DNAH11: variants seen among roughly 807,000 people sequenced by gnomAD.
DNAH11 encodes dynein axonemal heavy chain 11, also known as axonemal beta dynein heavy chain 11.
A neutral mutation model predicts 526.0 loss-of-function variants in DNAH11; 442 were observed. The observed-to-expected ratio is 0.84, with a 90% CI of 0.78 to 0.91. The LOEUF (loss-of-function observed/expected upper bound fraction) is 0.91. Among genes scored for constraint, DNAH11 ranks in the 40% least tolerant of loss-of-function variants. The pLI is 0.00. For synonymous variants in DNAH11, 2,461 were observed against 1,935.9 expected (o/e 1.27, Z -7.12); for missense variants, 6,989 against 5,448.7 (o/e 1.28, Z -8.90).
At chr7:21,861,748 C>G in intron 68 of DNAH11, 105 bp from the exon 69 acceptor site, 4 of 1,412,920 alleles carry the variant, frequency 2.8e-6, no homozygotes, top group Admixed American at 2.6e-5. Flanking sequence ...TTGCCTCATT[C>G]TCACTCCCTA....
chr7:21,707,240 C>G (rs138676599), intron 39 of DNAH11, among the ~76,000 whole-genome samples: 4 of 152,328 alleles, frequency 2.6e-5, no homozygotes, highest in East Asian at 1.9e-4. Context: ...CATTACTGGC[C>G]CCACCTCAGA....
At chr7:21,630,009 C>T (rs111745478) in intron 25 of DNAH11, among the ~76,000 whole-genome samples, 57 of 151,846 alleles carry the variant, frequency 3.8e-4, no homozygotes, top group African/African-American at 1.2e-3. Context: ...TACTGCCTTC[C>T]TTTATTGTTA....
At chr7:21,730,729 T>A (rs138826988) in intron 45 of DNAH11, among the ~76,000 whole-genome samples, 48 of 152,226 alleles carry the variant, frequency 3.2e-4, no homozygotes, top group African/African-American at 1.1e-3. Context: ...GATACAAAAT[T>A]TCAGTTAGGA....
At chr7:21,763,352 A>AAAAG (rs1554278425) in intron 54 of DNAH11, among the ~76,000 whole-genome samples, 4,039 of 112,340 alleles carry the variant, frequency 0.036, 337 homozygotes, top group African/African-American at 0.1. Context: ...AAAAAAAAAA[A>AAAAG]AAAAGAAAAA....
chr7:21,715,289 G>T (rs1456929862), intron 42 of DNAH11, among the ~76,000 whole-genome samples: 1 of 152,200 alleles, frequency 6.6e-6, no homozygotes, highest in Non-Finnish European at 1.5e-5. Context: ...ACTCTAGAAA[G>T]TTTAGAAACC....
chr7:21,681,853 T>C, intron 31 of DNAH11, 176 bp downstream of exon 31: 1 of 805,196 alleles, frequency 1.2e-6, no homozygotes, highest in Non-Finnish European at 2.1e-6. Flanking sequence ...TATATTATTC[T>C]GATGAGACCT....
chr7:21,874,430 G>T (rs1783625552), intron 74 of DNAH11, among the ~76,000 whole-genome samples: 1 of 151,868 alleles, frequency 6.6e-6, no homozygotes. Context: ...CAGCCTCCCA[G>T]GTTGAAGCGA....
At chr7:21,789,418 C>A in intron 61 of DNAH11, 76 bp downstream of exon 61, 1 of 902,794 alleles carries the variant, frequency 1.1e-6, no homozygotes, top group Non-Finnish European at 1.7e-6. Flanking sequence ...CACCCTCAGA[C>A]AGCACCATAT....
At chr7:21,874,121 C>T (rs1783609341) in intron 74 of DNAH11, among the ~76,000 whole-genome samples, 1 of 151,888 alleles carries the variant, frequency 6.6e-6, no homozygotes. Context: ...AAATGTGGCA[C>T]ACTAGTATCT....
At chr7:21,861,289 C>T (rs765334503) in intron 68 of DNAH11, among the ~76,000 whole-genome samples, 5 of 152,124 alleles carry the variant, frequency 3.3e-5, no homozygotes, top group African/African-American at 4.8e-5. Context: ...TATGGACTGC[C>T]GCATGTAATT....
At chr7:21,814,522 C>G (rs1431789577) in intron 63 of DNAH11, among the ~76,000 whole-genome samples, 1 of 123,586 alleles carries the variant, frequency 8.1e-6, no homozygotes, top group Non-Finnish European at 1.7e-5. Context: ...CCCCTCCCCC[C>G]ACCCCACCAC....
At chr7:21,812,772 T>G (rs1789588430) in intron 63 of DNAH11, among the ~76,000 whole-genome samples, 1 of 152,198 alleles carries the variant, frequency 6.6e-6, no homozygotes, top group Admixed American at 6.5e-5. Flanking sequence ...CCCAGCCTCC[T>G]GTTAAAATCA....
chr7:21,855,029 AT>A (rs61635369), intron 68 of DNAH11, among the ~76,000 whole-genome samples: 9,823 of 114,326 alleles, frequency 0.086, 183 homozygotes, highest in Middle Eastern at 0.16. Context: ...CAGTCTCTTA[AT>A]TTTTTTTTTT....
At chr7:21,583,301 G>T (rs1784377090) in intron 9 of DNAH11, among the ~76,000 whole-genome samples, 1 of 151,920 alleles carries the variant, frequency 6.6e-6, no homozygotes, top group African/African-American at 2.4e-5. Context: ...ACAACCATGT[G>T]ATCTTTGACA....
intron 12 of DNAH11, among the ~76,000 whole-genome samples, chr7:21,589,682 C>G (rs117396275): frequency 2.0e-5 from 3 of 152,066 alleles, no homozygotes; most frequent in Non-Finnish European, 2.9e-5. Context: ...TCTTTATGCT[C>G]TATGTTTCTA....
chr7:21,704,616 C>T lies in DNAH11; in HGVS notation c.6456C>T (p.Ser2152=). 6.3e-7 allele frequency: 1 copy of T among 1,593,800 alleles called. No individual in the cohort carries two copies. The part of the protein sequence containing the change: ...TLELRLQPEE[S]FILKVVQLEE... ...AGCTCCGCCTGCAGCCTGAAGAGAG[C>T]TTCATCCTCAAAGTAAAAGGAGCAT... Residue 2152 remains serine (S), a synonymous_variant, in exon 38 of 82, where the codon AGC becomes AGT. Transcript: ENST00000409508.
chr7:21,900,137 G>A lies in DNAH11; in HGVS notation c.13303+17G>A. The stretch of plus-strand genomic sequence containing the variant: ...TCATGGAGGGTAAGACACCCCAAGG[G>A]GTAAGTGGGGAACCTTTTCTTACTC... On this transcript the variant is annotated intron_variant, in intron 81 of 81. Coordinates refer to ENST00000409508, the MANE Select transcript of DNAH11 (RefSeq NM_001277115.2). The A allele has an allele frequency of 1.3e-6, 2 of 1,596,098 alleles. No homozygotes were observed. Among genetic ancestry groups the A allele is most frequent in the Non-Finnish European group, 1.7e-6 (2 of 1,170,838 alleles).
intron 74 of DNAH11, 123 bp downstream of exon 74, chr7:21,873,624 T>A: frequency 1.1e-6 from 1 of 919,230 alleles, no homozygotes; most frequent in Non-Finnish European, 1.7e-6. Flanking sequence ...TGTTCGCATG[T>A]GGAAGGGTAG....
At chr7:21,671,401 G>C (rs970020) in intron 30 of DNAH11, among the ~76,000 whole-genome samples, 5,307 of 152,044 alleles carry the variant, frequency 0.035, 294 homozygotes, top group African/African-American at 0.12. Context: ...TCCTTTTCAG[G>C]AAAAGGGCCA....
Sources: allele counts gnomAD v4.1 joint callset (sites outside exome capture counted in the v4.1 genomes callset), GRCh38; gene constraint gnomAD v4.1.1; transcripts MANE v1.5; gene names NCBI Gene and HGNC (gene_info 2026-07-23, HGNC 2026-07-21).